SLC12A6: variants seen among roughly 807,000 people sequenced by gnomAD.
The protein encoded by SLC12A6 is solute carrier family 12 member 6, also known as K-Cl cotransporter 3.
A neutral mutation model predicts 135.3 loss-of-function variants in SLC12A6; 66 were observed. The ratio of observed to expected loss-of-function variants is 0.49; its 90% CI spans 0.40 to 0.60. SLC12A6 has a LOEUF of 0.60. SLC12A6 is among the 20% of genes least tolerant of loss of function. The probability of loss-of-function intolerance (pLI) is 0.00; values close to 1 mark genes in which losing one functional copy is unlikely to be tolerated. For missense variants in SLC12A6, 1,058 were observed against 1,452.3 expected, an observed-to-expected ratio of 0.73 and a Z score of 4.41; for synonymous variants, 513 against 508.8, an observed-to-expected ratio of 1.01 and a Z score of -0.11.
intron 2 of SLC12A6, among the ~76,000 whole-genome samples, chr15:34,310,805 TGTGTGTGTGTGTG>T (rs1888194179): frequency 3.3e-5 from 4 of 122,840 alleles, no homozygotes; most frequent in Admixed American, 1.7e-4. Context: ...TGTGTGTGTG[TGTGTGTGTGTGTG>T]TCCCGTGTCC....
intron 3 of SLC12A6, among the ~76,000 whole-genome samples, chr15:34,270,808 A>G (rs1214682970): frequency 5.5e-5 from 8 of 144,826 alleles, no homozygotes; most frequent in African/African-American, 2.2e-4. Flanking sequence ...ATCTCAAAAA[A>G]CAAAACAAAA....
intron 4 of SLC12A6, among the ~76,000 whole-genome samples, chr15:34,260,297 C>T (rs553657762): frequency 1.6e-4 from 24 of 152,288 alleles, no homozygotes; most frequent in African/African-American, 5.5e-4. Flanking sequence ...CTTGCTCTGT[C>T]GCCCAGGCTG....
At chr15:34,303,478 G>A (rs1451148370) in intron 2 of SLC12A6, among the ~76,000 whole-genome samples, 1 of 151,960 alleles carries the variant, frequency 6.6e-6, no homozygotes, top group Non-Finnish European at 1.5e-5. Flanking sequence ...CTAATGCCTT[G>A]CAGATTCATG....
intron 2 of SLC12A6, among the ~76,000 whole-genome samples, chr15:34,334,070 CAA>C (rs142330391): frequency 2.5e-5 from 2 of 80,092 alleles, no homozygotes; most frequent in Admixed American, 1.4e-4. Context: ...AACTCCATCT[CAA>C]AAAAAAAAAA....
intron 25 of SLC12A6, 112 bp from the exon 26 acceptor site, chr15:34,234,084 T>TTA (rs1039852702): frequency 1.3e-5 from 9 of 717,594 alleles, no homozygotes; most frequent in Non-Finnish European, 2.1e-5. Flanking sequence ...TGCTTAATTA[T>TTA]TATATATTCA....
intron 15 of SLC12A6, among the ~76,000 whole-genome samples, chr15:34,244,867 T>G (rs1891879385): frequency 6.6e-6 from 1 of 152,234 alleles, no homozygotes; most frequent in African/African-American, 2.4e-5. Flanking sequence ...ATGGCACTCA[T>G]CACGCTATAT....
intron 3 of SLC12A6, among the ~76,000 whole-genome samples, chr15:34,264,761 T>C (rs986752136): frequency 3.3e-5 from 5 of 152,230 alleles, no homozygotes; most frequent in Admixed American, 6.5e-5. Context: ...ATTTGTAACA[T>C]TGATGAAGCT....
At chr15:34,243,836 A>C (rs1371240612) in intron 16 of SLC12A6, 138 bp downstream of exon 16, 6 of 693,022 alleles carry the variant, frequency 8.7e-6, no homozygotes, top group Non-Finnish European at 1.6e-5. Context: ...GGATTCAGAT[A>C]AGAATTGAAA....
At chr15:34,310,005 C>CTT (rs879478639) in intron 2 of SLC12A6, among the ~76,000 whole-genome samples, 1 of 144,132 alleles carries the variant, frequency 6.9e-6, no homozygotes. Flanking sequence ...AAGAGATAAT[C>CTT]TTTTTTTTTT....
Position 34,254,480 on chromosome 15 carries a change from A to C in SLC12A6, c.986T>G (p.Met329Arg). The C allele has an allele frequency of 6.2e-7, 1 of 1,613,900 alleles. No homozygotes were observed. The highest frequency in any genetic ancestry group is 8.5e-7 in the Non-Finnish European group (1 of 1,179,774). ...RVYGTAFLVL[M>R]VLVVFIGVRY... is the part of the protein sequence containing the mutation. ...TACGCCGATAAATACCACTAATACC[A>C]TAAGGACCAAGAAAGCTGTGCCGTA... Residue 329 changes from methionine (M) to arginine (R), a missense_variant, in exon 9 of 26, where the codon ATG becomes AGG. By Grantham distance (91) the Met-to-Arg change is moderately conservative (BLOSUM62 -1). Coordinates refer to ENST00000354181, the MANE Select transcript of SLC12A6 (RefSeq NM_001365088.1).
At chr15:34,299,171 G>A (rs951843830) in intron 2 of SLC12A6, among the ~76,000 whole-genome samples, 4 of 150,366 alleles carry the variant, frequency 2.7e-5, no homozygotes, top group East Asian at 1.9e-4. Flanking sequence ...GGGGATGATG[G>A]TGGGGATGAT....
At chr15:34,309,518 G>A (rs1887997146) in intron 2 of SLC12A6, among the ~76,000 whole-genome samples, 1 of 152,054 alleles carries the variant, frequency 6.6e-6, no homozygotes, top group African/African-American at 2.4e-5. Context: ...GAAAAATTTT[G>A]GAAGTGAGAG....
intron 2 of SLC12A6, among the ~76,000 whole-genome samples, chr15:34,304,596 T>G (rs1896475130): frequency 6.6e-6 from 1 of 152,204 alleles, no homozygotes; most frequent in Non-Finnish European, 1.5e-5. Flanking sequence ...GTGAAAAAAC[T>G]GTACCTCATT....
chr15:34,275,035 C>CAGATATT (rs1213845092), intron 3 of SLC12A6, among the ~76,000 whole-genome samples: 1 of 152,044 alleles, frequency 6.6e-6, no homozygotes, highest in African/African-American at 2.4e-5. Context: ...GCTGCAAAGT[C>CAGATATT]AGATATTACA....
intron 4 of SLC12A6, among the ~76,000 whole-genome samples, chr15:34,260,124 G>A (rs1422152029): frequency 1.3e-5 from 2 of 152,096 alleles, no homozygotes; most frequent in Non-Finnish European, 2.9e-5. Flanking sequence ...TGATATATAT[G>A]CTAATTAGCT....
chr15:34,240,605 C>T, intron 19 of SLC12A6, 56 bp downstream of exon 19: 1 of 1,461,934 alleles, frequency 6.8e-7, no homozygotes, highest in Middle Eastern at 1.7e-4. Context: ...GGTCTTACTA[C>T]TTAACATCAC....
chr15:34,310,034 T>C, intron 2 of SLC12A6, among the ~76,000 whole-genome samples: 1 of 148,872 alleles, frequency 6.7e-6, no homozygotes, highest in East Asian at 1.9e-4. Flanking sequence ...AGGGTCTCAC[T>C]TTCTCACTTT....
intron 2 of SLC12A6, among the ~76,000 whole-genome samples, chr15:34,290,233 T>G (rs920492749): frequency 2.0e-5 from 3 of 152,316 alleles, no homozygotes; most frequent in Middle Eastern, 6.8e-3. Flanking sequence ...ATTTCGTTAT[T>G]TACCCAGTAG....
chr15:34,242,381 C>T (rs1284416332), intron 16 of SLC12A6, among the ~76,000 whole-genome samples, 160 bp from the exon 17 acceptor site: 9 of 152,190 alleles, frequency 5.9e-5, no homozygotes, highest in Middle Eastern at 3.4e-3. Flanking sequence ...ATGAATTATT[C>T]GAAAAATTAT....
Sources: allele counts gnomAD v4.1 joint callset (sites outside exome capture counted in the v4.1 genomes callset), GRCh38; gene constraint gnomAD v4.1.1; transcripts MANE v1.5; gene names NCBI Gene and HGNC (gene_info 2026-07-23, HGNC 2026-07-21).